Variants in NAPEPLD observed in about 807,000 individuals in gnomAD.
The protein encoded by NAPEPLD is N-acyl phosphatidylethanolamine phospholipase D.
In NAPEPLD, 23 loss-of-function variants were observed where a neutral mutation model predicts 38.1. The observed-to-expected ratio is 0.60, with a 90% CI of 0.43 to 0.86. The LOEUF is 0.86. Ranked by LOEUF, NAPEPLD falls within the 40% of genes least tolerant of loss-of-function variation. The probability of loss-of-function intolerance (pLI) is 0.00; values close to 1 mark genes in which losing one functional copy is unlikely to be tolerated. For synonymous variants in NAPEPLD, 147 were observed against 162.0 expected (o/e 0.91, Z 0.71); for missense variants, 411 against 476.8 (o/e 0.86, Z 1.28).
rs2129526102 is a variant in NAPEPLD, at chr7:103,103,687, T to A, written c.1057-133A>T. 4.7e-6 allele frequency: 4 copies of A among 856,764 alleles called. No homozygotes were observed. The East Asian group carries it at 9.2e-5, about 20-fold the overall frequency. The allele number at this position is 856,764 out of a possible 1,614,324, so 53.1% of individuals were successfully genotyped here. ...AGGCCCTTTCTTTTAATTGAAGCAT[T>A]AGCAAATGGGTCTATCACATTTTCT... On this transcript the variant is annotated intron_variant, in intron 4 of 4. Coordinates refer to ENST00000465647, the MANE Select transcript of NAPEPLD (RefSeq NM_001122838.3).
In NAPEPLD at chr7:103,101,999, T is replaced by TCCCCCCCCCCCCCCCCCCC. The variant is rs76739012; in HGVS notation, c.*1429_*1430insGGGGGGGGGGGGGGGGGGG. ...AGGACTAAATCTTATGTCAACTGACTCCCCCCCCGCCCCCCAACCACTGGC... is the reference window on the plus strand; with the variant it reads ...AGGACTAAATCTTATGTCAACTGACTCCCCCCCCCCCCCCCCCCCCCCCCCCCGCCCCCCAACCACTGGC... On this transcript the variant is annotated 3_prime_UTR_variant, in exon 5 of 5. Coordinates refer to ENST00000465647, the MANE Select transcript of NAPEPLD (RefSeq NM_001122838.3). The TCCCCCCCCCCCCCCCCCCC allele has an allele frequency of 2.4e-5, 3 of 124,670 alleles. No homozygotes were observed. The highest frequency in any genetic ancestry group is 9.4e-5 in the Admixed American group (1 of 10,660). The allele number at this position is 124,670 out of a possible 1,614,324, so 7.7% of individuals were successfully genotyped here.
At position 103,128,466 on chromosome 7, in the gene NAPEPLD, A is replaced by G; in HGVS notation, c.294+17T>C. The G allele has an allele frequency of 6.2e-7, 1 of 1,612,018 alleles. No individual in the cohort carries two copies. The highest frequency in any genetic ancestry group is 8.5e-7 in the Non-Finnish European group (1 of 1,179,490). Reference sequence around the variant, plus strand: ...ATGAAGAGCAAATATAAAGCACTCAAAAAAGCCAAGCGCTACCTCTTTAGA... The same window carrying G: ...ATGAAGAGCAAATATAAAGCACTCAGAAAAGCCAAGCGCTACCTCTTTAGA... On this transcript the variant is annotated intron_variant, in intron 2 of 4. Transcript: ENST00000465647.
rs759755918 is a variant in NAPEPLD at position 103,119,747 on chromosome 7, C to G, written c.771G>C (p.Arg257Ser). ...GCACCTTGTTGTCATCCATTAGAGTCCTTTTACACCAGTGCTGGGAAGGTG... is the reference window on the plus strand; with the variant it reads ...GCACCTTGTTGTCATCCATTAGAGTGCTTTTACACCAGTGCTGGGAAGGTG... ...VFTPSQHWCK[R>S]TLMDDNKVLW... is the part of the protein sequence containing the mutation. The change falls in exon 3 of 5, where the codon AGG becomes AGC. Residue 257 changes from arginine (R) to serine (S), a missense_variant. By Grantham distance (110) the Arg-to-Ser change is moderately radical. Transcript: ENST00000465647. 2 of 1,614,148 alleles carry G rather than the reference C, an allele frequency of 1.2e-6. No individual in the cohort carries two copies. The highest frequency in any genetic ancestry group is 1.7e-6 in the Non-Finnish European group (2 of 1,180,028).
intron 2 of NAPEPLD, chr7:103,127,319 T>G (rs1808031671): frequency 6.6e-6 from 1 of 152,134 alleles, no homozygotes; most frequent in Admixed American, 6.5e-5. Context: ...ACTCTCAAAT[T>G]CTGAGAGAAA....
intron 3 of NAPEPLD, among the ~76,000 whole-genome samples, chr7:103,117,666 G>A (rs1051138265): frequency 6.6e-6 from 1 of 152,100 alleles, no homozygotes; most frequent in African/African-American, 2.4e-5. Flanking sequence ...CTACACATTA[G>A]AGGCTACCAC....
intron 1 of NAPEPLD, among the ~76,000 whole-genome samples, chr7:103,134,769 T>C (rs1456753557): frequency 2.6e-5 from 4 of 152,206 alleles, no homozygotes; most frequent in Admixed American, 6.5e-5. Flanking sequence ...TGAAGATTAA[T>C]TGCCTATTTA....
chr7:103,129,396 T>A, intron 1 of NAPEPLD: 1 of 781,152 alleles, frequency 1.3e-6, no homozygotes, highest in Non-Finnish European at 1.6e-6. Flanking sequence ...TCAATGACAT[T>A]CTGTGGAATA....
In NAPEPLD at chr7:103,144,809, C is replaced by G. The variant is rs529468206; in HGVS notation, c.-17+4002G>C. ...AGCAGATCATTTGAGGCCAGGAGTT[C>G]GAGACCAGCTTGGCCAACATGGCAA... On this transcript the variant is annotated intron_variant, in intron 1 of 4. Transcript: ENST00000465647. Among the ~76,000 whole-genome samples, 4 of 151,976 alleles carry G rather than the reference C, an allele frequency of 2.6e-5. No individual in the cohort carries two copies. In the East Asian group the frequency reaches 7.7e-4, roughly 29 times the overall value.
At chr7:103,129,474 T>C (rs922899434) in intron 1 of NAPEPLD, among the ~76,000 whole-genome samples, 2 of 152,206 alleles carry the variant, frequency 1.3e-5, no homozygotes, top group Non-Finnish European at 2.9e-5. Flanking sequence ...TTGTTAACAA[T>C]GCATAGTAAG....
intron 1 of NAPEPLD, among the ~76,000 whole-genome samples, chr7:103,147,085 T>C (rs1443842628): frequency 6.6e-6 from 1 of 152,212 alleles, no homozygotes; most frequent in Non-Finnish European, 1.5e-5. Context: ...GTCTCCAAAG[T>C]CTGTTAGTAA....
intron 2 of NAPEPLD, among the ~76,000 whole-genome samples, chr7:103,120,850 C>T (rs1806551843): frequency 6.6e-6 from 1 of 151,760 alleles, no homozygotes; most frequent in Non-Finnish European, 1.5e-5. Context: ...GCTGGGATCA[C>T]AGGCACACAG....
In NAPEPLD at chr7:103,101,150, C is replaced by T. The variant is rs183526654; in HGVS notation, c.*2279G>A. On this transcript the variant is annotated 3_prime_UTR_variant, in exon 5 of 5. Transcript: ENST00000465647. ...GCAGCAGGGAATATGGCTACAACAA[C>T]GCTGGCTAGTATTAGGGCAACACAC... 1.4e-4 allele frequency: 21 copies of T among 152,312 alleles called. No homozygotes were observed. Among genetic ancestry groups the T allele is most frequent in the African/African-American group, 4.6e-4 (19 of 41,558 alleles). 9.4% of individuals were successfully genotyped at this position (152,312 alleles called of 1,614,324 possible).
Position 103,122,102 on chromosome 7 carries a change from CT to C in NAPEPLD, c.295-1880del, listed in dbSNP as rs576597640. Among the ~76,000 whole-genome samples, 1,276 of 141,100 alleles carry C rather than the reference CT, an allele frequency of 9.0e-3. 19 individuals are homozygous for C. The highest frequency in any genetic ancestry group is 0.065 in the East Asian group (314 of 4,846). 92.6% of individuals were successfully genotyped at this position (141,100 alleles called of 152,430 possible). A position where few individuals can be genotyped will look rare whatever the true frequency, so the allele number is the denominator to read the frequency against. ...TCACTCTAAGACAATGAGGAAGCATCTTTTTTTTTTTTTTTGTAGAGACAGG... is the reference window on the plus strand; with the variant it reads ...TCACTCTAAGACAATGAGGAAGCATCTTTTTTTTTTTTTTGTAGAGACAGG... On this transcript the variant is annotated intron_variant, in intron 2 of 4. Coordinates refer to ENST00000465647, the MANE Select transcript of NAPEPLD (RefSeq NM_001122838.3).
intron 4 of NAPEPLD, among the ~76,000 whole-genome samples, chr7:103,112,464 G>T (rs1010503653): frequency 6.6e-6 from 1 of 152,148 alleles, no homozygotes; most frequent in Non-Finnish European, 1.5e-5. Flanking sequence ...GGACATGGAT[G>T]AAGCTGGAAA....
intron 1 of NAPEPLD, among the ~76,000 whole-genome samples, chr7:103,137,957 A>C (rs1001386486): frequency 1.3e-5 from 2 of 150,644 alleles, no homozygotes; most frequent in African/African-American, 4.9e-5. Context: ...TAAATATGTC[A>C]GATGATCTTT....
chr7:103,143,060 C>CA (rs1226276540), intron 1 of NAPEPLD, among the ~76,000 whole-genome samples: 715 of 22,328 alleles, frequency 0.032, 10 homozygotes, highest in Middle Eastern at 0.071. Flanking sequence ...TCTGTCTCTA[C>CA]AAAAAAAAAA....
At chr7:103,120,859 A>G (rs1806554497) in intron 2 of NAPEPLD, among the ~76,000 whole-genome samples, 1 of 151,454 alleles carries the variant, frequency 6.6e-6, no homozygotes, top group Non-Finnish European at 1.5e-5. Flanking sequence ...ACAGGCACAC[A>G]GCACCACCAT....
At chr7:103,106,350 C>CTT (rs761558673) in intron 4 of NAPEPLD, among the ~76,000 whole-genome samples, 1 of 145,242 alleles carries the variant, frequency 6.9e-6, no homozygotes, top group Admixed American at 6.9e-5. Flanking sequence ...GCTGCGGGAG[C>CTT]TTTTTTTTTT....
chr7:103,124,374 C>T (rs956959848), intron 2 of NAPEPLD, among the ~76,000 whole-genome samples: 1 of 151,992 alleles, frequency 6.6e-6, no homozygotes, highest in Non-Finnish European at 1.5e-5. Context: ...AGGAGAACCG[C>T]TTGAACCCAG....
Sources: allele counts gnomAD v4.1 joint callset (sites outside exome capture counted in the v4.1 genomes callset), GRCh38; gene constraint gnomAD v4.1.1; transcripts MANE v1.5; gene names NCBI Gene and HGNC (gene_info 2026-07-23, HGNC 2026-07-21).